TTC39B: variants seen among roughly 807,000 people sequenced by gnomAD.
The protein encoded by TTC39B is tetratricopeptide repeat domain 39B.
Under a neutral mutation model 96.6 loss-of-function variants are expected in TTC39B, and 92 were observed. That is an observed-to-expected ratio of 0.95 (90% confidence interval 0.80 to 1.13). The LOEUF (loss-of-function observed/expected upper bound fraction) is 1.13, where lower values mean the gene tolerates loss of function less well. Among genes scored for constraint, TTC39B ranks in the 50% most tolerant of loss-of-function variants. The pLI is 0.00. For synonymous variants in TTC39B, 367 were observed against 299.4 expected (o/e 1.23, Z -2.33); for missense variants, 955 against 809.3 (o/e 1.18, Z -2.18).
intron 2 of TTC39B, among the ~76,000 whole-genome samples, chr9:15,256,871 C>A (rs1472901639): frequency 6.6e-6 from 1 of 152,168 alleles, no homozygotes; most frequent in Admixed American, 6.5e-5. Flanking sequence ...GGGAGCCCAA[C>A]CACCTCAAAC....
chr9:15,292,602 T>C (rs554367091), intron 1 of TTC39B, among the ~76,000 whole-genome samples: 1 of 152,316 alleles, frequency 6.6e-6, no homozygotes, highest in East Asian at 1.9e-4. Context: ...GACGGCATTG[T>C]TGTCATAGGA....
At chr9:15,300,314 T>A (rs1463159124) in intron 1 of TTC39B, among the ~76,000 whole-genome samples, 1 of 152,098 alleles carries the variant, frequency 6.6e-6, no homozygotes, top group Non-Finnish European at 1.5e-5. Context: ...AACCCAGAAT[T>A]ATTACTCAAT....
chr9:15,215,059 G>C (rs1251679360), intron 3 of TTC39B, among the ~76,000 whole-genome samples: 2 of 152,034 alleles, frequency 1.3e-5, no homozygotes, highest in Admixed American at 1.3e-4. Context: ...CTCAAGACCA[G>C]CCTGGGCAAC....
intron 3 of TTC39B, among the ~76,000 whole-genome samples, chr9:15,222,175 T>A (rs1820881582): frequency 6.6e-6 from 1 of 152,222 alleles, no homozygotes; most frequent in Non-Finnish European, 1.5e-5. Context: ...ACAGATGTGA[T>A]AATGGCATGG....
At chr9:15,199,946 A>T in intron 7 of TTC39B, 21 bp from the exon 8 acceptor site, 1 of 1,463,416 alleles carries the variant, frequency 6.8e-7, no homozygotes, top group South Asian at 1.2e-5. Context: ...TTCAGTTAAA[A>T]AATTAGATTA....
At chr9:15,236,715 G>C (rs114610178) in intron 2 of TTC39B, among the ~76,000 whole-genome samples, 1 of 152,118 alleles carries the variant, frequency 6.6e-6, no homozygotes, top group Non-Finnish European at 1.5e-5. Flanking sequence ...ACTTGCTCCT[G>C]AACAACTCTT....
intron 3 of TTC39B, among the ~76,000 whole-genome samples, chr9:15,225,328 T>G (rs181584476): frequency 6.6e-6 from 1 of 152,198 alleles, no homozygotes; most frequent in South Asian, 2.1e-4. Context: ...AGGATTATAG[T>G]AATACATATT....
At chr9:15,275,861 T>G (rs1228863040) in intron 1 of TTC39B, among the ~76,000 whole-genome samples, 1 of 151,502 alleles carries the variant, frequency 6.6e-6, no homozygotes, top group African/African-American at 2.4e-5. Context: ...GTTTACAAAG[T>G]GCTAGTAATA....
At position 15,300,498 on chromosome 9, in the gene TTC39B, G is replaced by T. The variant is rs774934916; in HGVS notation, c.240+6586C>A. Among the ~76,000 whole-genome samples, 3 of 152,102 alleles carry T rather than the reference G, an allele frequency of 2.0e-5. No homozygotes were observed. The East Asian group carries it at 5.8e-4, about 29-fold the overall frequency. On this transcript the variant is annotated intron_variant, in intron 1 of 19. Transcript: ENST00000512701. Reference sequence around the variant, plus strand: ...ACACTAACTGTTGCAACAGCCTTTTGTCCTCCTTCTGCCACCTCCACATCC... The same window carrying T: ...ACACTAACTGTTGCAACAGCCTTTTTTCCTCCTTCTGCCACCTCCACATCC...
At chr9:15,193,110 C>T (rs925304823) in intron 8 of TTC39B, among the ~76,000 whole-genome samples, 3 of 152,218 alleles carry the variant, frequency 2.0e-5, no homozygotes, top group Non-Finnish European at 4.4e-5. Flanking sequence ...ATCTGAATTT[C>T]AGTGTGACTG....
intron 3 of TTC39B, 87 bp from the exon 4 acceptor site, chr9:15,214,336 GTGTGTGTGTGTCTGTGTGTGTGTGTC>G (rs1820383424): frequency 2.5e-5 from 20 of 812,208 alleles, no homozygotes; most frequent in Admixed American, 8.1e-5. Context: ...GTGTGTGTGT[GTGTGTGTGTGTCTGTGTGTGTGTGTC>G]TGTGTGTGTG....
chr9:15,205,537 C>A (rs1819796721), intron 6 of TTC39B, among the ~76,000 whole-genome samples: 1 of 152,170 alleles, frequency 6.6e-6, no homozygotes, highest in South Asian at 2.1e-4. Context: ...GGGCCAAAGC[C>A]ATTAACAGAC....
At chr9:15,179,294 G>C (rs117116798) in intron 17 of TTC39B, among the ~76,000 whole-genome samples, 124 of 152,290 alleles carry the variant, frequency 8.1e-4, no homozygotes, top group East Asian at 2.1e-3. Context: ...GGGAACATAC[G>C]AGGCCCTGGG....
At chr9:15,167,757 AAT>A (rs200127730) in exon 20 of TTC39B, 1 of 152,212 alleles carries the variant, frequency 6.6e-6, no homozygotes, top group Non-Finnish European at 1.5e-5. Context: ...TGTCTCAAAA[AAT>A]ATATATATTA....
At chr9:15,248,848 C>G (rs1314468724) in intron 2 of TTC39B, among the ~76,000 whole-genome samples, 1 of 152,152 alleles carries the variant, frequency 6.6e-6, no homozygotes, top group Non-Finnish European at 1.5e-5. Flanking sequence ...AACCAAAATA[C>G]TGGCACCCAA....
At chr9:15,208,407 C>G (rs1819999525) in intron 6 of TTC39B, among the ~76,000 whole-genome samples, 1 of 152,004 alleles carries the variant, frequency 6.6e-6, no homozygotes, top group Non-Finnish European at 1.5e-5. Context: ...CAAATATCAG[C>G]CTTCATACTA....
intron 3 of TTC39B, among the ~76,000 whole-genome samples, chr9:15,219,328 C>T (rs1820710303): frequency 6.6e-6 from 1 of 152,158 alleles, no homozygotes; most frequent in Non-Finnish European, 1.5e-5. Context: ...TGTCAACCTG[C>T]CCCAACTCCC....
intron 2 of TTC39B, among the ~76,000 whole-genome samples, chr9:15,245,694 A>T (rs1822242294): frequency 6.6e-6 from 1 of 152,182 alleles, no homozygotes; most frequent in South Asian, 2.1e-4. Flanking sequence ...CTGCTTTCTA[A>T]ATTACAGCCA....
chr9:15,221,827 T>A (rs1820859362), intron 3 of TTC39B, among the ~76,000 whole-genome samples: 1 of 152,234 alleles, frequency 6.6e-6, no homozygotes, highest in Admixed American at 6.5e-5. Context: ...CTTCTTCCTA[T>A]CCTGATTTGT....
Sources: gnomAD v4.1 joint callset for allele counts (sites outside exome capture counted in the v4.1 genomes callset) on GRCh38, gnomAD v4.1.1 for gene constraint, MANE v1.5 for transcripts, NCBI Gene and HGNC (gene_info 2026-07-23, HGNC 2026-07-21) for gene names.